The following FAM91A1 variants were observed in gnomAD, a reference collection of about 807,000 sequenced individuals.
FAM91A1 encodes the protein protein FAM91A1.
A neutral mutation model predicts 113.5 loss-of-function variants in FAM91A1; 41 were observed. The ratio of observed to expected loss-of-function variants is 0.36; its 90% CI spans 0.28 to 0.47. The LOEUF is 0.47. Among genes scored for constraint, FAM91A1 ranks in the 20% least tolerant of loss-of-function variants. FAM91A1 has a pLI of 1.00. For missense variants in FAM91A1, 696 were observed against 1,001.2 expected, an observed-to-expected ratio of 0.70 and a Z score of 4.11; for synonymous variants, 307 against 347.9, an observed-to-expected ratio of 0.88 and a Z score of 1.31.
intron 14 of FAM91A1, among the ~76,000 whole-genome samples, chr8:123,788,734 A>C (rs1056152657): frequency 1.3e-5 from 2 of 151,666 alleles, no homozygotes; most frequent in Non-Finnish European, 2.9e-5. Flanking sequence ...TCTTTTTTTC[A>C]CCTCAGCTAG....
At chr8:123,811,700 G>C (rs1051805999) in intron 23 of FAM91A1, among the ~76,000 whole-genome samples, 1 of 151,968 alleles carries the variant, frequency 6.6e-6, no homozygotes, top group Non-Finnish European at 1.5e-5. Flanking sequence ...TTCAATGATG[G>C]GCATACTGAG....
At chr8:123,780,444 T>G (rs1815091206) in intron 7 of FAM91A1, 36 bp from the exon 8 acceptor site, 2 of 1,485,156 alleles carry the variant, frequency 1.3e-6, no homozygotes, top group Non-Finnish European at 1.9e-6. Context: ...TGTTGTGTAG[T>G]GTTCCATCTA....
intron 6 of FAM91A1, among the ~76,000 whole-genome samples, chr8:123,779,110 C>G (rs940601271): frequency 7.9e-5 from 12 of 152,174 alleles, no homozygotes; most frequent in African/African-American, 2.9e-4. Flanking sequence ...GTGCCAAGCT[C>G]TATTACAAGT....
Position 123,799,805 on chromosome 8 carries a change from C to T in FAM91A1, c.1729C>T (p.His577Tyr), listed in dbSNP as rs2130132956. The T allele has an allele frequency of 6.2e-7, 1 of 1,610,204 alleles. No homozygotes were observed. Among genetic ancestry groups the T allele is most frequent in the African/African-American group, 1.3e-5 (1 of 74,974 alleles). The change falls in exon 18 of 24, where the codon CAT becomes TAT. Residue 577 changes from histidine to tyrosine, a missense_variant. Transcript: ENST00000334705. The part of the protein sequence containing the change: ...YDRLLITSWG[H>Y]DPGVVPTSNV... ...TCGATTGCTAATAACATCTTGGGGT[C>T]ATGATCCTGGAGTAGTTCCTACCTC...
intron 16 of FAM91A1, 116 bp from the exon 17 acceptor site, chr8:123,799,404 C>T: frequency 2.3e-6 from 2 of 863,632 alleles, no homozygotes; most frequent in Non-Finnish European, 3.4e-6. Flanking sequence ...AAGTTATTTT[C>T]TTGAGGATAG....
In FAM91A1 at chr8:123,768,521, A is replaced by G. The variant is rs941300889; in HGVS notation, c.-182A>G. ...AGCCTCCAATCGCTGCTGCTCTTGT[A>G]CTCGGTTGGCCCGGGCGGCGCTGAA... On this transcript the variant is annotated 5_prime_UTR_variant, in exon 1 of 24. Coordinates refer to ENST00000334705, the MANE Select transcript of FAM91A1 (RefSeq NM_144963.4). 14 of 527,460 alleles carry G rather than the reference A, an allele frequency of 2.7e-5. No homozygotes were observed. The African/African-American group carries it at 2.7e-4, about 10-fold the overall frequency. The allele number at this position is 527,460 out of a possible 1,614,324, so 32.7% of individuals were successfully genotyped here.
intron 13 of FAM91A1, 61 bp downstream of exon 13, chr8:123,787,434 T>C: frequency 7.9e-7 from 1 of 1,260,798 alleles, no homozygotes; most frequent in Admixed American, 1.9e-5. Flanking sequence ...TATAAAATAA[T>C]TTAATGCTTT....
At chr8:123,769,591 T>C (rs1157483695) in intron 1 of FAM91A1, among the ~76,000 whole-genome samples, 2 of 152,240 alleles carry the variant, frequency 1.3e-5, no homozygotes, top group Non-Finnish European at 2.9e-5. Flanking sequence ...TCTGTTTTAC[T>C]CAATTGTTTA....
intron 1 of FAM91A1, among the ~76,000 whole-genome samples, chr8:123,771,868 C>T (rs1038670085): frequency 1.4e-4 from 22 of 152,174 alleles, no homozygotes; most frequent in African/African-American, 4.8e-4. Context: ...ATTCTTACAT[C>T]GCCATTTGAT....
chr8:123,785,879 G>A (rs1250040891), intron 11 of FAM91A1, 138 bp downstream of exon 11: 11 of 537,896 alleles, frequency 2.0e-5, no homozygotes, highest in African/African-American at 1.2e-4. Flanking sequence ...GTGCGGTGGC[G>A]CGATCTCGGC....
In FAM91A1 at chr8:123,813,821, A is replaced by G. The variant is rs1308321360; in HGVS notation, c.*1117A>G. 6.4e-6 allele frequency: 1 copy of G among 155,418 alleles called. No individual in the cohort carries two copies. 9.6% of individuals were successfully genotyped at this position (155,418 alleles called of 1,614,324 possible). The stretch of plus-strand genomic sequence containing the variant: ...TTCCTTGGGAAGTTTGTGCAGTGTT[A>G]TAGTTTAGTTTAGCTCCTCTTACAG... On this transcript the variant is annotated 3_prime_UTR_variant, in exon 24 of 24. Coordinates refer to ENST00000334705, the MANE Select transcript of FAM91A1 (RefSeq NM_144963.4).
intron 15 of FAM91A1, among the ~76,000 whole-genome samples, chr8:123,794,825 C>T (rs1360855006): frequency 1.3e-5 from 2 of 152,088 alleles, no homozygotes; most frequent in South Asian, 2.1e-4. Context: ...AGTTGAATTG[C>T]GTGGTATGTA....
intron 15 of FAM91A1, among the ~76,000 whole-genome samples, chr8:123,794,973 C>T (rs1052738918): frequency 3.3e-5 from 5 of 152,174 alleles, no homozygotes; most frequent in Admixed American, 6.5e-5. Context: ...GAAAACATTG[C>T]GCTTTTTGCA....
At chr8:123,786,033 G>C (rs1395260845) in intron 11 of FAM91A1, 1 of 421,332 alleles carries the variant, frequency 2.4e-6, no homozygotes. Flanking sequence ...TAGCCAGGCT[G>C]GTGTCGAACT....
chr8:123,812,390 GCATCTCC>G, intron 23 of FAM91A1, 122 bp from the exon 24 acceptor site: 7 of 650,194 alleles, frequency 1.1e-5, no homozygotes, highest in South Asian at 5.8e-5. Context: ...GTAGATCTTT[GCATCTCC>G]TGTACTGCTT....
Position 123,775,171 on chromosome 8 carries a change from G to T in FAM91A1, c.182G>T (p.Arg61Leu), listed in dbSNP as rs777204751. Residue 61 changes from arginine to leucine, a missense_variant, in exon 3 of 24, where the codon CGC becomes CTC. Transcript: ENST00000334705. Reference protein sequence around the residue: ...NLVKHVKKDERRYYEELLKYS... With the variant: ...NLVKHVKKDELRYYEELLKYS... ...GTTAAACATGTCAAGAAAGATGAAC[G>T]CAGATACTATGAGGAACTGCTAAAG... The T allele has an allele frequency of 6.8e-6, 11 of 1,609,808 alleles. No individual in the cohort carries two copies. The highest frequency in any genetic ancestry group is 9.3e-6 in the Non-Finnish European group (11 of 1,178,076).
At chr8:123,788,528 A>G (rs950710317) in intron 14 of FAM91A1, among the ~76,000 whole-genome samples, 1 of 151,560 alleles carries the variant, frequency 6.6e-6, no homozygotes, top group Non-Finnish European at 1.5e-5. Context: ...TAGGATTTTT[A>G]CTTTTATTAG....
chr8:123,812,385 T>C, intron 23 of FAM91A1, 134 bp from the exon 24 acceptor site: 1 of 644,720 alleles, frequency 1.6e-6, no homozygotes, highest in Non-Finnish European at 2.6e-6. Flanking sequence ...ACAGTGTAGA[T>C]CTTTGCATCT....
At chr8:123,781,359 C>T (rs1456353392) in intron 8 of FAM91A1, among the ~76,000 whole-genome samples, 4 of 151,850 alleles carry the variant, frequency 2.6e-5, no homozygotes, top group Admixed American at 1.3e-4. Flanking sequence ...AGAAATACTT[C>T]TTTATATCAG....
Sources: allele counts gnomAD v4.1 joint callset (sites outside exome capture counted in the v4.1 genomes callset), GRCh38; gene constraint gnomAD v4.1.1; transcripts MANE v1.5; gene names NCBI Gene and HGNC (gene_info 2026-07-23, HGNC 2026-07-21).